Variants in TRIM5 observed in about 807,000 individuals in gnomAD.
The protein encoded by TRIM5 is tripartite motif-containing protein 5.
A neutral mutation model predicts 35.6 loss-of-function variants in TRIM5; 31 were observed. The observed-to-expected ratio is 0.87, with a 90% confidence interval of 0.65 to 1.18. TRIM5 has a LOEUF of 1.18. Among genes scored for constraint, TRIM5 ranks in the 50% most tolerant of loss-of-function variants. TRIM5 has a pLI of 0.00. For missense variants in TRIM5, 609 were observed against 591.6 expected, an observed-to-expected ratio of 1.03 and a Z score of -0.31; for synonymous variants, 243 against 215.6, an observed-to-expected ratio of 1.13 and a Z score of -1.11.
At chr11:5,608,747 C>T in the TRIM5 span, among the ~76,000 whole-genome samples, 87 of 152,004 alleles carry the variant, frequency 5.7e-4, no homozygotes, top group East Asian at 0.013. Context: ...CCCAAGTACC[C>T]TGTTAGTGTA....
the TRIM5 span, chr11:5,605,371 C>G: frequency 3.7e-6 from 6 of 1,614,034 alleles, no homozygotes; most frequent in African/African-American, 5.3e-5. Context: ...AGGATCCAGA[C>G]AGAGTTTAAT....
chr11:5,610,801 C>T, the TRIM5 span: 11 of 1,614,036 alleles, frequency 6.8e-6, no homozygotes, highest in Admixed American at 1.5e-4. Flanking sequence ...AATCCACACA[C>T]AGCTAATTTA....
intron 4 of TRIM5, among the ~76,000 whole-genome samples, chr11:5,668,725 C>T (rs980486044): frequency 6.6e-6 from 1 of 152,154 alleles, no homozygotes; most frequent in African/African-American, 2.4e-5. Context: ...GCTGAGATTA[C>T]AGGCATGTGC....
intron 4 of TRIM5, among the ~76,000 whole-genome samples, chr11:5,674,279 C>T (rs1251338607): frequency 6.6e-6 from 1 of 152,052 alleles, no homozygotes; most frequent in Non-Finnish European, 1.5e-5. Context: ...GCAGTTGTCT[C>T]CCCTCAAAAA....
the TRIM5 span, among the ~76,000 whole-genome samples, chr11:5,650,348 T>C: frequency 6.6e-6 from 1 of 152,238 alleles, no homozygotes; most frequent in Non-Finnish European, 1.5e-5. Flanking sequence ...AACAATTGGT[T>C]GCACTACTTT....
At chr11:5,676,954 A>C (rs1302958969) in intron 4 of TRIM5, among the ~76,000 whole-genome samples, 2 of 151,870 alleles carry the variant, frequency 1.3e-5, no homozygotes, top group African/African-American at 2.4e-5. Context: ...AAATCAATTC[A>C]AGATGGATTA....
At chr11:5,615,485 T>A in the TRIM5 span, among the ~76,000 whole-genome samples, 1 of 152,216 alleles carries the variant, frequency 6.6e-6, no homozygotes, top group South Asian at 2.1e-4. Context: ...CCTTTCTCAT[T>A]ATGGAATGAC....
chr11:5,634,015 G>A, the TRIM5 span: 28 of 1,107,916 alleles, frequency 2.5e-5, no homozygotes, highest in African/African-American at 4.4e-4. Flanking sequence ...CATTTGATTA[G>A]TTCTCTTCTC....
chr11:5,612,550 TAAAG>T, the TRIM5 span: 1 of 152,174 alleles, frequency 6.6e-6, no homozygotes, highest in Admixed American at 6.5e-5. Context: ...ATAAAGCACT[TAAAG>T]GAAGAGGATG....
At chr11:5,644,429 G>A in the TRIM5 span, 2 of 394,496 alleles carry the variant, frequency 5.1e-6, no homozygotes, top group Non-Finnish European at 8.9e-6. Flanking sequence ...CTGTGCAATA[G>A]TTTTGTGGCC....
chr11:5,660,647 G>A (rs184728944), downstream of TRIM5, among the ~76,000 whole-genome samples: 61 of 151,932 alleles, frequency 4.0e-4, no homozygotes, highest in Non-Finnish European at 7.4e-4. Flanking sequence ...CCAAACTGCC[G>A]GATTTTTTTT....
the TRIM5 span, among the ~76,000 whole-genome samples, chr11:5,639,948 C>G: frequency 6.6e-6 from 1 of 152,096 alleles, no homozygotes; most frequent in African/African-American, 2.4e-5. Flanking sequence ...ATGTATCCAT[C>G]ACCTCAAGCA....
At chr11:5,676,242 G>T (rs1851969855) in intron 4 of TRIM5, among the ~76,000 whole-genome samples, 1 of 151,980 alleles carries the variant, frequency 6.6e-6, no homozygotes, top group African/African-American at 2.4e-5. Flanking sequence ...GGGTCAAATG[G>T]TATACTTCAG....
chr11:5,591,445 T>G, the TRIM5 span, among the ~76,000 whole-genome samples: 1 of 152,178 alleles, frequency 6.6e-6, no homozygotes, highest in Non-Finnish European at 1.5e-5. Flanking sequence ...GGTCAAGAGT[T>G]GGAGACCAGC....
In TRIM5 at chr11:5,664,713, G is replaced by T; in HGVS notation, c.*96C>A. The stretch of plus-strand genomic sequence containing the variant: ...CAAATAGAAAGAAGGGAGACAGCAA[G>T]GAAAAGATGGTTAAAATGATGCAAA... On this transcript the variant is annotated 3_prime_UTR_variant, in exon 8 of 8. Transcript: ENST00000380034. 1 of 1,485,002 alleles carries T rather than the reference G, an allele frequency of 6.7e-7. No individual in the cohort carries two copies. The highest frequency in any genetic ancestry group is 8.9e-7 in the Non-Finnish European group (1 of 1,121,716). The allele number at this position is 1,485,002 out of a possible 1,614,324, so 92.0% of individuals were successfully genotyped here. A position where few individuals can be genotyped will look rare whatever the true frequency, so the allele number is the denominator to read the frequency against.
the TRIM5 span, among the ~76,000 whole-genome samples, chr11:5,651,071 A>C: frequency 6.6e-6 from 1 of 152,150 alleles, no homozygotes; most frequent in Non-Finnish European, 1.5e-5. Context: ...CTGGAGTGAC[A>C]CCTCAAAATG....
At chr11:5,604,482 A>G in the TRIM5 span, 1 of 1,574,054 alleles carries the variant, frequency 6.4e-7, no homozygotes, top group East Asian at 2.3e-5. Context: ...ATGTCTGGGT[A>G]CTGAGTCAAC....
chr11:5,620,428 C>G, the TRIM5 span, among the ~76,000 whole-genome samples: 1 of 151,434 alleles, frequency 6.6e-6, no homozygotes, highest in African/African-American at 2.4e-5. Flanking sequence ...GACTCTAACT[C>G]CTGAACTCGT....
chr11:5,644,137 A>G, the TRIM5 span: 7 of 400,244 alleles, frequency 1.7e-5, no homozygotes, highest in Non-Finnish European at 3.1e-5. Flanking sequence ...AGGTACATCA[A>G]GGAATCAAGG....
Sources: gnomAD v4.1 joint callset for allele counts (sites outside exome capture counted in the v4.1 genomes callset) on GRCh38, gnomAD v4.1.1 for gene constraint, MANE v1.5 for transcripts, NCBI Gene and HGNC (gene_info 2026-07-23, HGNC 2026-07-21) for gene names.